The following CTNNA3 variants were observed in gnomAD, a reference collection of about 807,000 sequenced individuals.
CTNNA3 encodes catenin alpha-3.
In CTNNA3, 76 loss-of-function variants were observed where a neutral mutation model predicts 95.7. That is an observed-to-expected ratio of 0.79 (90% CI 0.66 to 0.96). The LOEUF (loss-of-function observed/expected upper bound fraction) is 0.96. Among genes scored for constraint, CTNNA3 ranks in the 40% least tolerant of loss-of-function variants. CTNNA3 has a pLI of 0.00. For synonymous variants in CTNNA3, 431 were observed against 374.4 expected (o/e 1.15, Z -1.74); for missense variants, 1,191 against 1,089.8 (o/e 1.09, Z -1.31).
chr10:67,093,154 A>G (rs532266305), intron 7 of CTNNA3, among the ~76,000 whole-genome samples: 1 of 123,106 alleles, frequency 8.1e-6, no homozygotes, highest in East Asian at 2.1e-4. Context: ...TGACAAGAAG[A>G]TTCTATGGAC....
chr10:67,718,377 C>T (rs1350309793), intron 1 of CTNNA3, among the ~76,000 whole-genome samples: 1 of 152,208 alleles, frequency 6.6e-6, no homozygotes, highest in Non-Finnish European at 1.5e-5. Flanking sequence ...AGAGGGCATT[C>T]TTGTCTTGTG....
At chr10:67,310,865 T>C (rs1204867990) in intron 5 of CTNNA3, among the ~76,000 whole-genome samples, 4 of 152,212 alleles carry the variant, frequency 2.6e-5, no homozygotes, top group African/African-American at 9.6e-5. Context: ...ATGAGACTTG[T>C]GTGGGGACAC....
At chr10:66,842,753 A>T (rs1843109747) in intron 7 of CTNNA3, among the ~76,000 whole-genome samples, 1 of 152,134 alleles carries the variant, frequency 6.6e-6, no homozygotes, top group Non-Finnish European at 1.5e-5. Flanking sequence ...AAATTTGGGA[A>T]ATTGTTATAT....
At chr10:67,407,415 A>G (rs184684181) in intron 5 of CTNNA3, among the ~76,000 whole-genome samples, 2 of 152,288 alleles carry the variant, frequency 1.3e-5, no homozygotes, top group African/African-American at 4.8e-5. Flanking sequence ...GAAGGAACAT[A>G]CCTCTAAATA....
intron 1 of CTNNA3, among the ~76,000 whole-genome samples, chr10:67,694,900 A>G (rs1840934803): frequency 6.6e-6 from 1 of 152,214 alleles, no homozygotes. Flanking sequence ...GAAGATTTAG[A>G]CTATGTGTAG....
At chr10:66,773,122 G>C (rs1840160823) in intron 8 of CTNNA3, among the ~76,000 whole-genome samples, 1 of 152,052 alleles carries the variant, frequency 6.6e-6, no homozygotes, top group Non-Finnish European at 1.5e-5. Flanking sequence ...AAAGTACTAG[G>C]GGGAGGGTAA....
intron 3 of CTNNA3, among the ~76,000 whole-genome samples, chr10:67,562,455 C>T (rs895984146): frequency 7.9e-5 from 12 of 151,366 alleles, no homozygotes; most frequent in African/African-American, 2.7e-4. Context: ...ATGCTAAAAA[C>T]TCTCAATAAA....
chr10:66,502,723 GA>G (rs1006129602), intron 11 of CTNNA3, among the ~76,000 whole-genome samples: 21 of 148,284 alleles, frequency 1.4e-4, no homozygotes, highest in South Asian at 4.3e-4. Context: ...CCCATTGATG[GA>G]AAAAAAAAAC....
chr10:66,560,838 GCT>G (rs149279518), intron 10 of CTNNA3, among the ~76,000 whole-genome samples: 3 of 150,802 alleles, frequency 2.0e-5, no homozygotes, highest in Admixed American at 6.6e-5. Context: ...GAGCTTGCCT[GCT>G]CTCTCTCTCT....
At chr10:66,715,735 C>T (rs1031086011) in intron 9 of CTNNA3, among the ~76,000 whole-genome samples, 4 of 151,998 alleles carry the variant, frequency 2.6e-5, no homozygotes, top group Non-Finnish European at 5.9e-5. Context: ...AATTCATAAA[C>T]ACACATGTGT....
At chr10:66,344,402 G>C (rs953104004) in intron 12 of CTNNA3, among the ~76,000 whole-genome samples, 3 of 151,336 alleles carry the variant, frequency 2.0e-5, no homozygotes, top group Non-Finnish European at 4.4e-5. Context: ...GAGTAGCTGG[G>C]ATTACAGGCA....
intron 17 of CTNNA3, among the ~76,000 whole-genome samples, chr10:65,939,456 C>T (rs2133172056): frequency 6.6e-6 from 1 of 152,270 alleles, no homozygotes; most frequent in Non-Finnish European, 1.5e-5. Flanking sequence ...AGATTTCTGT[C>T]TTTAAATTCT....
intron 3 of CTNNA3, among the ~76,000 whole-genome samples, chr10:67,561,727 T>C (rs993798351): frequency 6.6e-6 from 1 of 151,838 alleles, no homozygotes; most frequent in South Asian, 2.1e-4. Flanking sequence ...ATCAACAAAA[T>C]TGATAGACTG....
intron 13 of CTNNA3, among the ~76,000 whole-genome samples, chr10:66,181,875 C>A (rs1205085291): frequency 1.3e-5 from 2 of 152,176 alleles, no homozygotes; most frequent in Non-Finnish European, 2.9e-5. Flanking sequence ...AATCCCCAAA[C>A]CATTAGGCAT....
Position 66,283,637 on chromosome 10 carries a change from C to A in CTNNA3, c.1733-3016G>T, listed in dbSNP as rs375751291. Reference sequence around the variant, plus strand: ...ATATTAGCTTCAATTAAAATAAAATCTTTCAGAAGCAAATGTTTAATTTCT... The same window carrying A: ...ATATTAGCTTCAATTAAAATAAAATATTTCAGAAGCAAATGTTTAATTTCT... On this transcript the variant is annotated intron_variant, in intron 12 of 17. Coordinates refer to ENST00000433211, the MANE Select transcript of CTNNA3 (RefSeq NM_013266.4). 4.9e-4 allele frequency among the ~76,000 whole-genome samples: 75 copies of A among 151,942 alleles called. No homozygotes were observed. In the South Asian group the frequency reaches 7.2e-3, roughly 15 times the overall value.
intron 13 of CTNNA3, among the ~76,000 whole-genome samples, chr10:66,266,867 T>C (rs1043888966): frequency 6.6e-6 from 1 of 152,056 alleles, no homozygotes; most frequent in African/African-American, 2.4e-5. Context: ...TTCCATATCC[T>C]GAGAAAGAGA....
At chr10:67,102,071 C>T (rs970142343) in intron 7 of CTNNA3, among the ~76,000 whole-genome samples, 3 of 151,650 alleles carry the variant, frequency 2.0e-5, no homozygotes, top group African/African-American at 7.3e-5. Context: ...GTTTATAATG[C>T]TGGGTAATAT....
chr10:67,424,225 C>G (rs1045527375), intron 5 of CTNNA3, among the ~76,000 whole-genome samples: 1 of 152,054 alleles, frequency 6.6e-6, no homozygotes, highest in Non-Finnish European at 1.5e-5. Flanking sequence ...ACATTTATCA[C>G]CAAGCTTTCA....
At chr10:67,289,833 C>G (rs576768607) in intron 5 of CTNNA3, among the ~76,000 whole-genome samples, 1 of 151,944 alleles carries the variant, frequency 6.6e-6, no homozygotes, top group Non-Finnish European at 1.5e-5. Context: ...ATTTTAAAGA[C>G]AGTGTCTCAA....
Sources: gnomAD v4.1 joint callset for allele counts (sites outside exome capture counted in the v4.1 genomes callset) on GRCh38, gnomAD v4.1.1 for gene constraint, MANE v1.5 for transcripts, NCBI Gene and HGNC (gene_info 2026-07-23, HGNC 2026-07-21) for gene names.